ITSN1: variants seen among roughly 807,000 people sequenced by gnomAD.
ITSN1 encodes the protein intersectin 1, also known as intersectin-1.
A neutral mutation model predicts 239.8 loss-of-function variants in ITSN1; 58 were observed. The ratio of observed to expected loss-of-function variants is 0.24; its 90% confidence interval spans 0.20 to 0.30. The LOEUF is 0.30. ITSN1 is among the 10% of genes least tolerant of loss of function. The pLI is 1.00. For synonymous variants in ITSN1, 780 were observed against 770.8 expected (o/e 1.01, Z -0.20); for missense variants, 1,558 against 2,103.3 (o/e 0.74, Z 5.07).
rs768968267 is a variant in ITSN1 at position 33,867,203 on chromosome 21, T to C, written c.4075-30T>C. 1.0e-4 allele frequency: 144 copies of C among 1,419,732 alleles called. 1 individual carries two copies. The highest frequency in any genetic ancestry group is 1.4e-4 in the Non-Finnish European group (136 of 1,003,164). 87.9% of individuals were successfully genotyped at this position (1,419,732 alleles called of 1,614,324 possible). Reference sequence around the variant, plus strand: ...ACTAACTTTGGATTTTGCAAGTTTCTTAAGTACATTTAAAAACATCTCATT... The same window carrying C: ...ACTAACTTTGGATTTTGCAAGTTTCCTAAGTACATTTAAAAACATCTCATT... On this transcript the variant is annotated intron_variant, in intron 32 of 39. Coordinates refer to ENST00000381318, the MANE Select transcript of ITSN1 (RefSeq NM_003024.3).
chr21:33,826,389 C>T (rs561090712), intron 25 of ITSN1, among the ~76,000 whole-genome samples: 75 of 152,268 alleles, frequency 4.9e-4, no homozygotes, highest in African/African-American at 1.7e-3. Flanking sequence ...TGTGTTAAAA[C>T]CGGGTAGTAG....
intron 1 of ITSN1, among the ~76,000 whole-genome samples, chr21:33,654,581 A>G (rs1321475918): frequency 1.3e-5 from 2 of 152,134 alleles, no homozygotes; most frequent in Non-Finnish European, 2.9e-5. Flanking sequence ...CTCCTTCTCT[A>G]CACAAAAGAC....
intron 29 of ITSN1, among the ~76,000 whole-genome samples, chr21:33,854,003 C>T (rs1978838932): frequency 6.6e-6 from 1 of 152,168 alleles, no homozygotes; most frequent in African/African-American, 2.4e-5. Context: ...GTCCTGAATC[C>T]CCAGCACCCA....
At chr21:33,691,621 T>G (rs2091551320) in intron 1 of ITSN1, among the ~76,000 whole-genome samples, 1 of 152,224 alleles carries the variant, frequency 6.6e-6, no homozygotes, top group Non-Finnish European at 1.5e-5. Flanking sequence ...CTGCTTGGGC[T>G]ACTGTAACAA....
In ITSN1 at chr21:33,656,602, C is replaced by G. The variant is rs182945444; in HGVS notation, c.-33+13889C>G. On this transcript the variant is annotated intron_variant, in intron 1 of 39. Transcript: ENST00000381318. ...AGGCTGGAGAGTGCAGTGGTGCAATCTTGGCTCACTGCAACCTCTACCTCC... is the reference window on the plus strand; with the variant it reads ...AGGCTGGAGAGTGCAGTGGTGCAATGTTGGCTCACTGCAACCTCTACCTCC... 2.0e-5 allele frequency among the ~76,000 whole-genome samples: 3 copies of G among 152,296 alleles called. No individual in the cohort carries two copies. In the East Asian group the frequency reaches 5.8e-4, roughly 29 times the overall value.
At chr21:33,886,585 G>GGCTGGCAGAAGACGAGGCTC in intron 39 of ITSN1, 125 bp downstream of exon 39, 3 of 846,748 alleles carry the variant, frequency 3.5e-6, no homozygotes, top group Non-Finnish European at 5.4e-6. Context: ...AGATGAGGCT[G>GGCTGGCAGAAGACGAGGCTC]GCTGGCACAA....
intron 1 of ITSN1, chr21:33,643,887 C>G (rs1601385694): frequency 6.6e-6 from 1 of 152,244 alleles, no homozygotes; most frequent in Non-Finnish European, 1.5e-5. Context: ...ATTCTCAGTT[C>G]TGTCAGCGGG....
chr21:33,729,484 A>G (rs1156594787), intron 4 of ITSN1, among the ~76,000 whole-genome samples: 1 of 151,878 alleles, frequency 6.6e-6, no homozygotes, highest in Admixed American at 6.6e-5. Flanking sequence ...AAAAGAACCT[A>G]GTAAGTAGTG....
chr21:33,724,556 C>T (rs2065702100), intron 4 of ITSN1, among the ~76,000 whole-genome samples: 1 of 152,254 alleles, frequency 6.6e-6, no homozygotes, highest in South Asian at 2.1e-4. Flanking sequence ...TAACTTCCTC[C>T]ACTGGATTAT....
intron 1 of ITSN1, among the ~76,000 whole-genome samples, chr21:33,703,475 A>G (rs566784867): frequency 6.6e-5 from 10 of 152,352 alleles, no homozygotes; most frequent in Non-Finnish European, 1.3e-4. Context: ...TCATTGCTTA[A>G]TACTTAGTCT....
At chr21:33,833,116 C>T (rs986636817) in intron 27 of ITSN1, among the ~76,000 whole-genome samples, 3 of 151,854 alleles carry the variant, frequency 2.0e-5, no homozygotes, top group Admixed American at 6.6e-5. Flanking sequence ...ATCCCTAACT[C>T]GAGTCTTTTA....
chr21:33,775,921 C>G (rs1270190760), intron 14 of ITSN1, among the ~76,000 whole-genome samples: 2 of 152,214 alleles, frequency 1.3e-5, no homozygotes, highest in African/African-American at 4.8e-5. Context: ...AAGTGCTGAA[C>G]TACAGGGGCA....
intron 27 of ITSN1, among the ~76,000 whole-genome samples, chr21:33,832,443 G>A (rs1369652775): frequency 1.3e-5 from 2 of 152,238 alleles, no homozygotes; most frequent in African/African-American, 4.8e-5. Context: ...CACACCTCTA[G>A]CACTGTGCTT....
chr21:33,784,840 G>A (rs1319634899), intron 16 of ITSN1, among the ~76,000 whole-genome samples: 1 of 152,210 alleles, frequency 6.6e-6, no homozygotes, highest in Non-Finnish European at 1.5e-5. Flanking sequence ...CTTGGATGAA[G>A]AGATAGGCCA....
intron 31 of ITSN1, among the ~76,000 whole-genome samples, 197 bp from the exon 32 acceptor site, chr21:33,864,954 A>G (rs1389814941): frequency 3.3e-5 from 5 of 152,184 alleles, no homozygotes; most frequent in Non-Finnish European, 7.3e-5. Flanking sequence ...CACTCTGCCA[A>G]AGAAAAATGC....
rs1483908048 is a variant in ITSN1 at position 33,888,689 on chromosome 21, T to G, written c.*389T>G. The G allele has an allele frequency of 1.3e-5, 2 of 156,108 alleles. No homozygotes were observed. Among genetic ancestry groups the G allele is most frequent in the Admixed American group, 1.3e-4 (2 of 15,634 alleles). 9.7% of individuals were successfully genotyped at this position (156,108 alleles called of 1,614,324 possible). On this transcript the variant is annotated 3_prime_UTR_variant, in exon 40 of 40. Coordinates refer to ENST00000381318, the MANE Select transcript of ITSN1 (RefSeq NM_003024.3). The stretch of plus-strand genomic sequence containing the variant: ...TATTTTTGGAGAACTCATGTAACCC[T>G]CCTGTTTCTTACATCCACCAGTCCC...
rs187845584 is a variant in ITSN1 at position 33,682,442 on chromosome 21, C to T, written c.-32-36355C>T. On this transcript the variant is annotated intron_variant, in intron 1 of 39. Coordinates refer to ENST00000381318, the MANE Select transcript of ITSN1 (RefSeq NM_003024.3). Reference sequence around the variant, plus strand: ...GTTGGTCAGGCTGGTCTCGAACTCCCGACCTCAGGTGATCCACCCGCCTCG... The same window carrying T: ...GTTGGTCAGGCTGGTCTCGAACTCCTGACCTCAGGTGATCCACCCGCCTCG... Among the ~76,000 whole-genome samples the T allele has an allele frequency of 5.7e-3, 864 of 151,930 alleles. 8 individuals are homozygous for T. The highest frequency in any genetic ancestry group is 0.019 in the African/African-American group (803 of 41,434).
At chr21:33,783,267 A>G (rs1035543386) in intron 16 of ITSN1, among the ~76,000 whole-genome samples, 8 of 152,246 alleles carry the variant, frequency 5.3e-5, no homozygotes, top group Admixed American at 5.2e-4. Context: ...AATTCTAAAA[A>G]CAAAATTAAA....
intron 1 of ITSN1, among the ~76,000 whole-genome samples, chr21:33,698,417 TC>T (rs1352392630): frequency 6.6e-6 from 1 of 152,236 alleles, no homozygotes; most frequent in African/African-American, 2.4e-5. Context: ...ACTTGAGTGA[TC>T]ATGATAGTTT....
Sources: gnomAD v4.1 joint callset for allele counts (sites outside exome capture counted in the v4.1 genomes callset) on GRCh38, gnomAD v4.1.1 for gene constraint, MANE v1.5 for transcripts, NCBI Gene and HGNC (gene_info 2026-07-23, HGNC 2026-07-21) for gene names.